Variants in ADK observed in about 807,000 individuals in gnomAD.
The protein encoded by ADK is N6,N6-dimethyladenosine kinase.
ADK carries 24 observed loss-of-function variants against 44.7 expected under a neutral mutation model. That is an observed-to-expected ratio of 0.54 (90% CI 0.39 to 0.76). The LOEUF (loss-of-function observed/expected upper bound fraction) is 0.76, where lower values mean the gene tolerates loss of function less well. Among genes scored for constraint, ADK ranks in the 30% least tolerant of loss-of-function variants. The probability of loss-of-function intolerance (pLI) is 0.00; values close to 1 mark genes in which losing one functional copy is unlikely to be tolerated. For missense variants in ADK, 321 were observed against 425.1 expected (o/e 0.76, Z 2.15); for synonymous variants, 128 against 142.6 (o/e 0.90, Z 0.73).
At chr10:74,382,667 T>A (rs947684373) in intron 4 of ADK, among the ~76,000 whole-genome samples, 6 of 152,226 alleles carry the variant, frequency 3.9e-5, no homozygotes, top group African/African-American at 7.2e-5. Context: ...ACAATTTTTT[T>A]AAAATTATAA....
intron 1 of ADK, chr10:74,176,397 G>A: frequency 6.2e-6 from 6 of 967,802 alleles, no homozygotes; most frequent in Non-Finnish European, 7.4e-6. Context: ...GACCTGCCCT[G>A]ACAGCGCCTC....
At chr10:74,277,700 A>G (rs1374582981) in intron 3 of ADK, among the ~76,000 whole-genome samples, 4 of 151,986 alleles carry the variant, frequency 2.6e-5, no homozygotes, top group Admixed American at 2.6e-4. Flanking sequence ...CGCCCAGCTA[A>G]ATTTCTTTTA....
intron 2 of ADK, among the ~76,000 whole-genome samples, chr10:74,219,590 C>T (rs1207666950): frequency 1.3e-5 from 2 of 152,150 alleles, no homozygotes; most frequent in Non-Finnish European, 2.9e-5. Flanking sequence ...CACACCACAC[C>T]TATTCCAAAA....
chr10:74,453,557 G>T (rs1486393768), intron 6 of ADK, among the ~76,000 whole-genome samples: 2 of 152,006 alleles, frequency 1.3e-5, no homozygotes, highest in Non-Finnish European at 2.9e-5. Context: ...CTTTTATATG[G>T]CATTTCACTT....
intron 9 of ADK, among the ~76,000 whole-genome samples, chr10:74,608,874 A>G (rs1358722746): frequency 6.6e-6 from 1 of 152,126 alleles, no homozygotes; most frequent in African/African-American, 2.4e-5. Context: ...AGTTTTATCT[A>G]TAAGCCCCTG....
In ADK at chr10:74,220,745, A is replaced by G. The variant is rs538121483; in HGVS notation, c.141-3793A>G. Among the ~76,000 whole-genome samples the G allele has an allele frequency of 1.2e-4, 18 of 152,362 alleles. No homozygotes were observed. The East Asian group carries it at 3.5e-3, about 29-fold the overall frequency. The stretch of plus-strand genomic sequence containing the variant: ...CAAATCAATAAATGTAATCCAGCAT[A>G]TAAACAGAACCAAAAACAAAAACCA... On this transcript the variant is annotated intron_variant, in intron 2 of 10. Transcript: ENST00000539909.
chr10:74,344,878 C>T (rs1425112011), intron 4 of ADK: 3 of 159,474 alleles, frequency 1.9e-5, no homozygotes, highest in Admixed American at 6.5e-5. Context: ...AAGTAGTGTT[C>T]CAACCTTTGT....
chr10:74,518,185 A>G (rs768932048), intron 6 of ADK, among the ~76,000 whole-genome samples: 12 of 152,176 alleles, frequency 7.9e-5, no homozygotes, highest in Non-Finnish European at 1.2e-4. Flanking sequence ...TAGTGTTACT[A>G]TGGCACCTAA....
chr10:74,219,184 C>G (rs112997913), intron 2 of ADK, among the ~76,000 whole-genome samples: 23 of 151,000 alleles, frequency 1.5e-4, no homozygotes, highest in Middle Eastern at 6.9e-3. Context: ...ATCTACCAAG[C>G]GAATGGAAAA....
intron 7 of ADK, among the ~76,000 whole-genome samples, chr10:74,536,973 CTGTT>C (rs1377961958): frequency 6.6e-6 from 1 of 152,222 alleles, no homozygotes; most frequent in African/African-American, 2.4e-5. Context: ...GAACAAGTAT[CTGTT>C]TGAGTTCCTG....
intron 7 of ADK, among the ~76,000 whole-genome samples, chr10:74,541,391 C>T (rs919194974): frequency 6.6e-5 from 10 of 152,024 alleles, no homozygotes; most frequent in Non-Finnish European, 1.5e-4. Context: ...TCCTAATATC[C>T]TTTTTGACTG....
At chr10:74,375,862 G>C (rs1372677676) in intron 4 of ADK, among the ~76,000 whole-genome samples, 1 of 152,004 alleles carries the variant, frequency 6.6e-6, no homozygotes, top group Non-Finnish European at 1.5e-5. Flanking sequence ...ACCTTTATGG[G>C]TTCTGTTTTG....
At chr10:74,527,830 C>A in intron 7 of ADK, 1 of 1,237,216 alleles carries the variant, frequency 8.1e-7, no homozygotes, top group Non-Finnish European at 1.2e-6. Flanking sequence ...GGCCCTCTTG[C>A]TTCCAAGTGT....
intron 3 of ADK, among the ~76,000 whole-genome samples, chr10:74,291,608 C>T (rs1036630129): frequency 2.0e-5 from 3 of 151,796 alleles, no homozygotes; most frequent in Admixed American, 2.0e-4. Flanking sequence ...TGATAATTGT[C>T]AGTAACTGGG....
chr10:74,708,335 C>A lies in ADK; in HGVS notation c.979C>A (p.Leu327Met). The change falls in exon 11 of 11, where the codon CTG becomes ATG. Residue 327 changes from leucine to methionine, a missense_variant. By Grantham distance (15) the Leu-to-Met change is conservative. Transcript: ENST00000539909. ...DAFVGGFLSQ[L>M]VSDKPLTECI... is the part of the protein sequence containing the mutation. ...CTGTGTTCTAGGTTTTCTGTCTCAA[C>A]TGGTCTCTGACAAGCCTCTGACTGA... The A allele has an allele frequency of 6.2e-7, 1 of 1,610,744 alleles. No homozygotes were observed. Among genetic ancestry groups the A allele is most frequent in the African/African-American group, 1.3e-5 (1 of 74,856 alleles).
chr10:74,439,055 C>T (rs1845296723), intron 6 of ADK, among the ~76,000 whole-genome samples: 1 of 152,140 alleles, frequency 6.6e-6, no homozygotes. Flanking sequence ...CATAAAATGT[C>T]ATATGTAAAA....
intron 4 of ADK, among the ~76,000 whole-genome samples, chr10:74,356,014 T>TTTTTTTTTTTTTTTTG (rs1842133422): frequency 1.6e-5 from 2 of 128,212 alleles, no homozygotes; most frequent in Non-Finnish European, 1.7e-5. Context: ...TTTTTTTTTT[T>TTTTTTTTTTTTTTTTG]TTTTTTTTTT....
chr10:74,625,732 A>G (rs550747375), intron 9 of ADK, among the ~76,000 whole-genome samples: 2 of 152,300 alleles, frequency 1.3e-5, no homozygotes, highest in African/African-American at 4.8e-5. Context: ...AAATTATGGT[A>G]AAAGCACTAG....
At chr10:74,269,759 G>A (rs1846355233) in intron 3 of ADK, among the ~76,000 whole-genome samples, 1 of 152,152 alleles carries the variant, frequency 6.6e-6, no homozygotes, top group Admixed American at 6.5e-5. Flanking sequence ...CACTTTGGGA[G>A]GCTAAGGCAG....
Sources: gnomAD v4.1 joint callset for allele counts (sites outside exome capture counted in the v4.1 genomes callset) on GRCh38, gnomAD v4.1.1 for gene constraint, MANE v1.5 for transcripts, NCBI Gene and HGNC (gene_info 2026-07-23, HGNC 2026-07-21) for gene names.